Variants in CYB5A observed in about 807,000 individuals in gnomAD.
The protein encoded by CYB5A is cytochrome b5 type A, also known as cytochrome b5.
A neutral mutation model predicts 16.2 loss-of-function variants in CYB5A; 10 were observed. That is an observed-to-expected ratio of 0.62 (90% CI 0.38 to 1.04). CYB5A has a LOEUF of 1.04. CYB5A is among the 50% of genes least tolerant of loss of function. The pLI, the probability that CYB5A is intolerant of heterozygous loss-of-function variation, is 0.01. For synonymous variants in CYB5A, 62 were observed against 57.0 expected, an observed-to-expected ratio of 1.09 and a Z score of -0.40; for missense variants, 161 against 165.9, an observed-to-expected ratio of 0.97 and a Z score of 0.16.
rs1442269513 is a variant in CYB5A, at chr18:74,260,812, C to T, written c.288+103G>A. The T allele has an allele frequency of 3.2e-6, 3 of 948,066 alleles. No homozygotes were observed. In the African/African-American group the frequency reaches 4.8e-5, roughly 15 times the overall value. 58.7% of individuals were successfully genotyped at this position (948,066 alleles called of 1,614,324 possible). ...TACATATTCATTTATCTAGAAAGACCTGTGCTGGCATCAGTCAGGTAAATA... is the reference window on the plus strand; with the variant it reads ...TACATATTCATTTATCTAGAAAGACTTGTGCTGGCATCAGTCAGGTAAATA... On this transcript the variant is annotated intron_variant, in intron 3 of 4. Transcript: ENST00000340533.
intron 1 of CYB5A, among the ~76,000 whole-genome samples, chr18:74,282,631 T>G (rs1177737594): frequency 6.6e-6 from 1 of 152,190 alleles, no homozygotes. Flanking sequence ...GACACCATGC[T>G]GAGACCTGAA....
chr18:74,254,579 G>A (rs1341815123), intron 4 of CYB5A, among the ~76,000 whole-genome samples: 1 of 151,514 alleles, frequency 6.6e-6, no homozygotes, highest in Non-Finnish European at 1.5e-5. Context: ...GAGTGCAGTG[G>A]CACGATCTTG....
At chr18:74,290,303 G>C (rs73466520) in intron 1 of CYB5A, among the ~76,000 whole-genome samples, 6,068 of 152,202 alleles carry the variant, frequency 0.04, 402 homozygotes, top group African/African-American at 0.14. Flanking sequence ...GGAGCAAAGT[G>C]GTGCGATTTC....
chr18:74,288,549 G>C (rs1400233462), intron 1 of CYB5A, among the ~76,000 whole-genome samples: 1 of 152,242 alleles, frequency 6.6e-6, no homozygotes, highest in Non-Finnish European at 1.5e-5. Context: ...CAGGAAAGAG[G>C]ATCGGGCAAG....
intron 1 of CYB5A, among the ~76,000 whole-genome samples, chr18:74,267,161 C>CTT (rs113610880): frequency 1.4e-5 from 2 of 147,074 alleles, no homozygotes; most frequent in Non-Finnish European, 1.5e-5. Context: ...GCACACATCA[C>CTT]TTTTTTTTTT....
intron 1 of CYB5A, among the ~76,000 whole-genome samples, chr18:74,272,532 G>A (rs1982708891): frequency 6.6e-6 from 1 of 152,174 alleles, no homozygotes; most frequent in Non-Finnish European, 1.5e-5. Context: ...CTAACAAGAG[G>A]TAAAGTGAAG....
intron 1 of CYB5A, among the ~76,000 whole-genome samples, chr18:74,267,325 T>A (rs1214018297): frequency 6.6e-6 from 1 of 152,078 alleles, no homozygotes; most frequent in African/African-American, 2.4e-5. Context: ...CCCGGCTAAT[T>A]TTTGTATTTT....
chr18:74,268,518 A>G (rs1982538134), intron 1 of CYB5A, among the ~76,000 whole-genome samples: 1 of 151,870 alleles, frequency 6.6e-6, no homozygotes, highest in African/African-American at 2.4e-5. Flanking sequence ...TAAGTGGGGG[A>G]GGTAACGCGA....
intron 1 of CYB5A, among the ~76,000 whole-genome samples, chr18:74,268,731 C>A (rs750203433): frequency 3.9e-5 from 6 of 152,014 alleles, no homozygotes; most frequent in Admixed American, 6.5e-5. Context: ...ACAGGAAGTG[C>A]CACTGGAGCC....
intron 1 of CYB5A, among the ~76,000 whole-genome samples, chr18:74,290,223 T>C (rs1009681227): frequency 1.3e-5 from 2 of 152,052 alleles, no homozygotes; most frequent in African/African-American, 4.8e-5. Flanking sequence ...CCAATAAACA[T>C]CAACTCCAGC....
chr18:74,260,985 C>T (rs899768841), intron 2 of CYB5A, 41 bp from the exon 3 acceptor site: 2 of 1,522,252 alleles, frequency 1.3e-6, no homozygotes, highest in African/African-American at 2.7e-5. Flanking sequence ...ATTTAAAAAT[C>T]TATGAAAGTA....
At chr18:74,290,546 A>T (rs560744226) in intron 1 of CYB5A, among the ~76,000 whole-genome samples, 1 of 152,282 alleles carries the variant, frequency 6.6e-6, no homozygotes, top group East Asian at 1.9e-4. Context: ...TGCTTGGCCC[A>T]GCCTCATTTT....
At chr18:74,276,789 T>C (rs907876239) in intron 1 of CYB5A, among the ~76,000 whole-genome samples, 26 of 152,122 alleles carry the variant, frequency 1.7e-4, no homozygotes, top group African/African-American at 6.3e-4. Flanking sequence ...AGAGCCACTT[T>C]AACAGGCGTC....
chr18:74,279,798 C>T (rs966597577), intron 1 of CYB5A, among the ~76,000 whole-genome samples: 1 of 152,190 alleles, frequency 6.6e-6, no homozygotes, highest in Non-Finnish European at 1.5e-5. Context: ...AGCCATTCCA[C>T]ATCAGCTTTC....
chr18:74,282,443 G>A (rs1355415231), intron 1 of CYB5A, among the ~76,000 whole-genome samples: 2 of 151,908 alleles, frequency 1.3e-5, no homozygotes, highest in South Asian at 2.1e-4. Flanking sequence ...CAGAGCAGGG[G>A]CTCGTATCTG....
chr18:74,286,409 T>A (rs1183602279), intron 1 of CYB5A, among the ~76,000 whole-genome samples: 1 of 152,254 alleles, frequency 6.6e-6, no homozygotes, highest in Non-Finnish European at 1.5e-5. Flanking sequence ...CTATAATTCC[T>A]GAGATATGTT....
chr18:74,267,744 A>C (rs141910638), intron 1 of CYB5A, among the ~76,000 whole-genome samples: 2 of 152,318 alleles, frequency 1.3e-5, no homozygotes, highest in African/African-American at 4.8e-5. Context: ...GTAACAAAAG[A>C]AGTGAAATTC....
chr18:74,254,219 C>A (rs1210895165), intron 4 of CYB5A, among the ~76,000 whole-genome samples: 2 of 151,978 alleles, frequency 1.3e-5, no homozygotes, highest in African/African-American at 4.8e-5. Flanking sequence ...AAAATGAATG[C>A]CCCACCAGCT....
chr18:74,254,401 CA>C (rs35917281), intron 4 of CYB5A, among the ~76,000 whole-genome samples: 70,799 of 110,316 alleles, frequency 0.64, 20,327 homozygotes, highest in Middle Eastern at 0.73. Context: ...CTAAATTCAC[CA>C]AAAAAAAAAA....
Sources: gnomAD v4.1 joint callset for allele counts (sites outside exome capture counted in the v4.1 genomes callset) on GRCh38, gnomAD v4.1.1 for gene constraint, MANE v1.5 for transcripts, NCBI Gene and HGNC (gene_info 2026-07-23, HGNC 2026-07-21) for gene names.